Variants in TLE3 observed in about 807,000 individuals in gnomAD.
TLE3 encodes the protein transducin-like enhancer protein 3.
TLE3 carries 14 observed loss-of-function variants against 93.0 expected under a neutral mutation model. The ratio of observed to expected loss-of-function variants is 0.15; its 90% CI spans 0.10 to 0.24. TLE3 has a LOEUF of 0.24. Ranked by LOEUF, TLE3 falls within the 10% of genes least tolerant of loss-of-function variation. The pLI is 1.00. For missense variants in TLE3, 693 were observed against 1,046.6 expected (o/e 0.66, Z 4.66); for synonymous variants, 451 against 425.0 (o/e 1.06, Z -0.75).
chr15:70,074,735 C>G (rs1244306137), intron 5 of TLE3, 128 bp from the exon 6 acceptor site: 1 of 639,404 alleles, frequency 1.6e-6, no homozygotes. Context: ...TGAACAGGCA[C>G]AGGGCACAAG....
In TLE3 at chr15:70,059,469, A is replaced by C. The variant is rs1156915724; in HGVS notation, c.715-9T>G. 6.2e-7 allele frequency: 1 copy of C among 1,606,596 alleles called. No homozygotes were observed. The highest frequency in any genetic ancestry group is 8.5e-7 in the Non-Finnish European group (1 of 1,176,468). On this transcript the variant is annotated splice_polypyrimidine_tract_variant and intron_variant, in intron 9 of 19. Coordinates refer to ENST00000451782, the MANE Select transcript of TLE3 (RefSeq NM_001105192.3). ...TTGTCTCCATCACTGTCCTGCAACC[A>C]AGAGAGAAGCCAACTGGTCAGTAAG...
rs563165750 is a variant in TLE3 at position 70,095,704 on chromosome 15, C to A, written c.126-63G>T. 1.4e-3 allele frequency: 2,213 copies of A among 1,532,092 alleles called. 6 individuals are homozygous for A. Among genetic ancestry groups the A allele is most frequent in the Non-Finnish European group, 1.6e-3 (1,821 of 1,136,856 alleles). 94.9% of individuals were successfully genotyped at this position (1,532,092 alleles called of 1,614,324 possible). On this transcript the variant is annotated intron_variant, in intron 2 of 19. Transcript: ENST00000451782. ...TGGACAGCCTCCTCTGAGGCCCCGA[C>A]CCAAGGGCCTCTAGAGCCACTTTTC...
intron 2 of TLE3, 139 bp from the exon 3 acceptor site, chr15:70,095,780 G>A: frequency 3.8e-6 from 4 of 1,046,792 alleles, no homozygotes; most frequent in South Asian, 3.3e-5. Context: ...ACAGCCTGGG[G>A]ACGCGGGGGG....
Position 70,050,152 on chromosome 15 carries a change from T to C in TLE3, c.2255A>G (p.Tyr752Cys), listed in dbSNP as rs750600995. Reference protein sequence around the residue: ...LSCDISADDKYIVTGSGDKKA... With the variant: ...LSCDISADDKCIVTGSGDKKA... The stretch of plus-strand genomic sequence containing the variant: ...CTTGTCACCAGAGCCTGTTACAATG[T>C]ATTTGTCATCCGCTGAAATGTCACA... Residue 752 changes from tyrosine (Y) to cysteine (C), a missense_variant, in exon 20 of 20, where the codon TAC becomes TGC. Coordinates refer to ENST00000451782, the MANE Select transcript of TLE3 (RefSeq NM_001105192.3). 8.1e-6 allele frequency: 13 copies of C among 1,614,158 alleles called. No homozygotes were observed. The highest frequency in any genetic ancestry group is 5.5e-5 in the South Asian group (5 of 91,086).
chr15:70,088,961 C>T (rs11637005), intron 4 of TLE3, among the ~76,000 whole-genome samples: 1 of 151,942 alleles, frequency 6.6e-6, no homozygotes, highest in Non-Finnish European at 1.5e-5. Context: ...AGGGAGCCAC[C>T]GGGTGGGGAG....
intron 4 of TLE3, among the ~76,000 whole-genome samples, chr15:70,092,732 C>T (rs575722789): frequency 5.3e-5 from 8 of 152,240 alleles, no homozygotes; most frequent in Non-Finnish European, 8.8e-5. Flanking sequence ...CCTGCGTTCA[C>T]AGCATCCCCA....
At chr15:70,073,548 G>A (rs184203781) in intron 6 of TLE3, among the ~76,000 whole-genome samples, 21 of 152,290 alleles carry the variant, frequency 1.4e-4, no homozygotes, top group African/African-American at 4.3e-4. Context: ...TCTAGAAATC[G>A]TTAGGAACAC....
chr15:70,092,745 A>G (rs1425881285), intron 4 of TLE3, among the ~76,000 whole-genome samples: 1 of 152,196 alleles, frequency 6.6e-6, no homozygotes, highest in East Asian at 1.9e-4. Context: ...CATCCCCAGG[A>G]CTCACAGAAC....
At chr15:70,065,984 G>GGCCCC in intron 7 of TLE3, 30 bp downstream of exon 7, 2 of 768,862 alleles carry the variant, frequency 2.6e-6, no homozygotes, top group Admixed American at 2.3e-5. Flanking sequence ...CCCCTGCCCC[G>GGCCCC]CCCCACCCTC....
At position 70,055,137 on chromosome 15, in the gene TLE3, T is replaced by C; in HGVS notation, c.1490A>G (p.His497Arg). The C allele has an allele frequency of 6.2e-7, 1 of 1,614,140 alleles. No homozygotes were observed. The highest frequency in any genetic ancestry group is 2.2e-5 in the East Asian group (1 of 44,872). The change falls in exon 15 of 20, where the codon CAC (histidine) becomes CGC (arginine). Residue 497 changes from histidine (H) to arginine (R), a missense_variant. By Grantham distance (29) the His-to-Arg change is conservative. Coordinates refer to ENST00000451782, the MANE Select transcript of TLE3 (RefSeq NM_001105192.3). ...GCAGCCCTTGCCACCTGTGTAGACG[T>C]GCCTCGTGGGGTTGCTGATGGTCAC... ...CAVTISNPTR[H>R]VYTGGKGCVK...
chr15:70,097,336 A>G lies in TLE3; in HGVS notation c.-538T>C. 2 of 402,954 alleles carry G rather than the reference A, an allele frequency of 5.0e-6. No homozygotes were observed. Among genetic ancestry groups the G allele is most frequent in the East Asian group, 7.1e-5 (2 of 28,070 alleles). The allele number at this position is 402,954 out of a possible 1,614,324, so 25.0% of individuals were successfully genotyped here. A position where few individuals can be genotyped will look rare whatever the true frequency, so the allele number is the denominator to read the frequency against. ...GGCGAGAAGAGGAAGGAGGCGGGCT[A>G]CGAGGTGGTGGCTTGGGGCCGCAGG... On this transcript the variant is annotated 5_prime_UTR_variant, in exon 1 of 20. Transcript: ENST00000451782.
At chr15:70,059,362 C>T (rs1247496519) in intron 10 of TLE3, 48 bp downstream of exon 10, 1 of 1,578,150 alleles carries the variant, frequency 6.3e-7, no homozygotes, top group Non-Finnish European at 8.6e-7. Context: ...GGAATAATTC[C>T]AAACCATGCC....
intron 4 of TLE3, among the ~76,000 whole-genome samples, chr15:70,091,285 G>A (rs2058294680): frequency 6.6e-6 from 1 of 152,252 alleles, no homozygotes; most frequent in African/African-American, 2.4e-5. Flanking sequence ...AAATGTCAGT[G>A]CTCACCAACA....
intron 4 of TLE3, among the ~76,000 whole-genome samples, chr15:70,081,681 T>A (rs1240223518): frequency 6.6e-6 from 1 of 152,236 alleles, no homozygotes; most frequent in African/African-American, 2.4e-5. Context: ...CTACTAGGCT[T>A]CTAGTTACAT....
rs373092208 is a variant in TLE3 at position 70,079,390 on chromosome 15, G to C, written c.235-3232C>G. The C allele has an allele frequency of 4.4e-4, 199 of 449,226 alleles. 1 individual carries two copies. The highest frequency in any genetic ancestry group is 7.5e-4 in the Non-Finnish European group (169 of 224,990). 27.8% of individuals were successfully genotyped at this position (449,226 alleles called of 1,614,324 possible). A position where few individuals can be genotyped will look rare whatever the true frequency, so the allele number is the denominator to read the frequency against. On this transcript the variant is annotated intron_variant, in intron 4 of 19. Transcript: ENST00000451782. The stretch of plus-strand genomic sequence containing the variant: ...TTGAGGCAGGCAGAGGGGAGGGGCT[G>C]GGCTTACGTTGGGAGAACCTCCTGG...
intron 19 of TLE3, 181 bp downstream of exon 19, chr15:70,051,210 G>A (rs1308973438): frequency 3.6e-6 from 2 of 560,784 alleles, no homozygotes; most frequent in Non-Finnish European, 6.3e-6. Context: ...GAAGTCCCCA[G>A]GTCCTTGGGA....
chr15:70,061,118 G>A (rs1595891620), intron 8 of TLE3, among the ~76,000 whole-genome samples: 3 of 152,272 alleles, frequency 2.0e-5, no homozygotes, highest in Admixed American at 2.0e-4. Context: ...GAGCCCGACA[G>A]GAATGGGGAG....
At chr15:70,054,963 C>CGGGCCCTGGGGCT in intron 15 of TLE3, 86 bp downstream of exon 15, 8 of 1,484,614 alleles carry the variant, frequency 5.4e-6, no homozygotes, top group Non-Finnish European at 7.2e-6. Flanking sequence ...GATGCTGAGC[C>CGGGCCCTGGGGCT]AGGCCCTGGG....
At chr15:70,096,084 C>T in intron 2 of TLE3, 77 bp downstream of exon 2, 1 of 1,475,742 alleles carries the variant, frequency 6.8e-7, no homozygotes, top group Non-Finnish European at 9.1e-7. Flanking sequence ...CCCCTCCGTC[C>T]CCGCGGGGGA....
Sources: gnomAD v4.1 joint callset for allele counts (sites outside exome capture counted in the v4.1 genomes callset) on GRCh38, gnomAD v4.1.1 for gene constraint, MANE v1.5 for transcripts, NCBI Gene and HGNC (gene_info 2026-07-23, HGNC 2026-07-21) for gene names.